The following FOXN3 variants were observed in gnomAD, a reference collection of about 807,000 sequenced individuals.
The protein encoded by FOXN3 is forkhead box protein N3.
Under a neutral mutation model 38.4 loss-of-function variants are expected in FOXN3, and 7 were observed. The observed-to-expected ratio is 0.18, with a 90% CI of 0.10 to 0.34. The LOEUF is 0.34. Ranked by LOEUF, FOXN3 falls within the 10% of genes least tolerant of loss-of-function variation. FOXN3 has a pLI of 1.00. For synonymous variants in FOXN3, 230 were observed against 242.2 expected, an observed-to-expected ratio of 0.95 and a Z score of 0.47; for missense variants, 456 against 613.4, an observed-to-expected ratio of 0.74 and a Z score of 2.71.
At chr14:89,584,018 C>A (rs930433113) in intron 1 of FOXN3, among the ~76,000 whole-genome samples, 1 of 148,520 alleles carries the variant, frequency 6.7e-6, no homozygotes, top group Non-Finnish European at 1.5e-5. Flanking sequence ...CACCACCACA[C>A]CCAGCTAATT....
At chr14:89,536,013 G>A (rs921332899) in intron 1 of FOXN3, among the ~76,000 whole-genome samples, 2 of 152,190 alleles carry the variant, frequency 1.3e-5, no homozygotes, top group African/African-American at 4.8e-5. Context: ...TAAAGACAAA[G>A]ATTAAATAGT....
intron 4 of FOXN3, among the ~76,000 whole-genome samples, chr14:89,212,067 T>TA: frequency 6.6e-6 from 1 of 152,326 alleles, no homozygotes; most frequent in East Asian, 1.9e-4. Context: ...TAGGTGATGA[T>TA]ACAGCCAGAC....
intron 4 of FOXN3, among the ~76,000 whole-genome samples, chr14:89,274,059 C>A (rs1451316975): frequency 6.6e-6 from 1 of 152,112 alleles, no homozygotes; most frequent in Non-Finnish European, 1.5e-5. Context: ...GCTTGCGGAG[C>A]AGATTAGATG....
At chr14:89,565,061 T>G (rs1596319205) in intron 1 of FOXN3, among the ~76,000 whole-genome samples, 1 of 120,044 alleles carries the variant, frequency 8.3e-6, no homozygotes, top group Non-Finnish European at 1.6e-5. Context: ...ACCCCTGCAC[T>G]CCAGCCTGGA....
At chr14:89,463,317 C>T (rs1361321624) in intron 1 of FOXN3, among the ~76,000 whole-genome samples, 2 of 151,654 alleles carry the variant, frequency 1.3e-5, no homozygotes, top group Admixed American at 6.6e-5. Context: ...AACACATTGA[C>T]CCATTAATGC....
At chr14:89,337,183 A>G (rs1888486266) in intron 3 of FOXN3, among the ~76,000 whole-genome samples, 1 of 152,200 alleles carries the variant, frequency 6.6e-6, no homozygotes, top group Admixed American at 6.5e-5. Flanking sequence ...CAGATTTGGT[A>G]GTACAAAGAA....
chr14:89,514,364 T>A lies in FOXN3; in HGVS notation c.-14-101874A>T, dbSNP rs542849463. ...ATCAATCAGACTTGAGACCTTAGCGTCTGTGATGGCAAACCGATGGCCATC... is the reference window on the plus strand; with the variant it reads ...ATCAATCAGACTTGAGACCTTAGCGACTGTGATGGCAAACCGATGGCCATC... On this transcript the variant is annotated intron_variant, in intron 1 of 6. Coordinates refer to the FOXN3 transcript ENST00000345097. Among the ~76,000 whole-genome samples, 10 of 152,208 alleles carry A rather than the reference T, an allele frequency of 6.6e-5. No individual in the cohort carries two copies. The South Asian group carries it at 1.7e-3, about 25-fold the overall frequency.
At chr14:89,600,045 T>A (rs1391188645) in intron 1 of FOXN3, among the ~76,000 whole-genome samples, 1 of 152,250 alleles carries the variant, frequency 6.6e-6, no homozygotes, top group Non-Finnish European at 1.5e-5. Context: ...GGTTCTGCAA[T>A]TCCCCATTGC....
intron 1 of FOXN3, among the ~76,000 whole-genome samples, chr14:89,505,940 G>A (rs1157270669): frequency 1.3e-5 from 2 of 148,856 alleles, no homozygotes; most frequent in Non-Finnish European, 3.0e-5. Context: ...TCTGAGAAGT[G>A]AGGAGACCCT....
chr14:89,440,616 C>T (rs536220083), intron 1 of FOXN3, among the ~76,000 whole-genome samples: 6 of 152,324 alleles, frequency 3.9e-5, no homozygotes, highest in African/African-American at 1.2e-4. Flanking sequence ...GACTCCTGCC[C>T]GCCAGAGAAC....
At chr14:89,533,958 A>G (rs977263582) in intron 1 of FOXN3, among the ~76,000 whole-genome samples, 12 of 152,120 alleles carry the variant, frequency 7.9e-5, no homozygotes, top group Middle Eastern at 6.8e-3. Context: ...GCAGCAAATC[A>G]GGGTCAAGAT....
At chr14:89,261,206 AGT>A (rs1885789386) in intron 4 of FOXN3, among the ~76,000 whole-genome samples, 3 of 152,178 alleles carry the variant, frequency 2.0e-5, no homozygotes, top group Admixed American at 6.5e-5. Context: ...CAAATGGTTC[AGT>A]GGTAGCTTTG....
intron 2 of FOXN3, among the ~76,000 whole-genome samples, chr14:89,365,170 C>T (rs1415206052): frequency 1.3e-5 from 2 of 152,208 alleles, no homozygotes; most frequent in Non-Finnish European, 2.9e-5. Context: ...CTTCTTCCTC[C>T]TTCTCCCCAC....
chr14:89,512,365 G>A (rs140368745), intron 1 of FOXN3, among the ~76,000 whole-genome samples: 1 of 152,312 alleles, frequency 6.6e-6, no homozygotes, highest in African/African-American at 2.4e-5. Flanking sequence ...AGAAAGACGT[G>A]AAAACCACAA....
rs1363747918 is a variant in FOXN3, at chr14:89,279,947, AC to A, written c.745+1002del. On this transcript the variant is annotated intron_variant, in intron 4 of 5. Transcript: ENST00000557258. ...ATACTTATCTCCTACTCCTTCACAC[AC>A]AGGGCCGGCCCTCAGCCTCTACTTC... Among the ~76,000 whole-genome samples, 4 of 152,254 alleles carry A rather than the reference AC, an allele frequency of 2.6e-5. No homozygotes were observed. The South Asian group carries it at 6.2e-4, about 24-fold the overall frequency.
Position 89,528,275 on chromosome 14 carries a change from A to G in FOXN3, c.-15+90753T>C, listed in dbSNP as rs182024920. 7.3e-4 allele frequency among the ~76,000 whole-genome samples: 111 copies of G among 152,080 alleles called. 1 individual carries two copies. The highest frequency in any genetic ancestry group is 2.6e-3 in the African/African-American group (107 of 41,504). ...CTGGAAACAATTCAAATGTTCTTCA[A>G]AAGGTAAATGGAAAAACAAACTGTG... On this transcript the variant is annotated intron_variant, in intron 1 of 6. Transcript: ENST00000345097.
At chr14:89,319,317 G>A (rs4899980) in intron 3 of FOXN3, among the ~76,000 whole-genome samples, 104,188 of 151,948 alleles carry the variant, frequency 0.69, 35,830 homozygotes, top group East Asian at 0.72. Context: ...ACAAATAGCA[G>A]AGGGAAAAGG....
intron 3 of FOXN3, among the ~76,000 whole-genome samples, chr14:89,282,970 T>G (rs776809930): frequency 6.6e-6 from 1 of 152,086 alleles, no homozygotes; most frequent in Admixed American, 6.5e-5. Flanking sequence ...ATGGTCAATC[T>G]GTGGTGCTGT....
intron 1 of FOXN3, among the ~76,000 whole-genome samples, chr14:89,515,851 G>C (rs949069331): frequency 6.6e-6 from 1 of 152,196 alleles, no homozygotes; most frequent in African/African-American, 2.4e-5. Context: ...AGGGTGCTGA[G>C]CTGCAGCATG....
Sources: allele counts gnomAD v4.1 joint callset (sites outside exome capture counted in the v4.1 genomes callset), GRCh38; gene constraint gnomAD v4.1.1; transcripts MANE v1.5; gene names NCBI Gene and HGNC (gene_info 2026-07-23, HGNC 2026-07-21).